The following HPSE2 variants were observed in gnomAD, a reference collection of about 807,000 sequenced individuals.
HPSE2 encodes the protein inactive heparanase-2.
HPSE2 carries 38 observed loss-of-function variants against 60.5 expected under a neutral mutation model. The observed-to-expected ratio is 0.63, with a 90% CI of 0.48 to 0.82. The LOEUF (loss-of-function observed/expected upper bound fraction) is 0.82. HPSE2 is among the 40% of genes least tolerant of loss of function. The pLI is 0.00. For synonymous variants in HPSE2, 295 were observed against 293.2 expected (o/e 1.01, Z -0.06); for missense variants, 713 against 740.4 (o/e 0.96, Z 0.43).
chr10:98,933,324 A>G (rs1251033716), intron 3 of HPSE2, among the ~76,000 whole-genome samples: 1 of 144,086 alleles, frequency 6.9e-6, no homozygotes. Context: ...CTGTGGTCTG[A>G]GAGACTTATG....
At chr10:98,823,601 G>C (rs1951473182) in intron 3 of HPSE2, among the ~76,000 whole-genome samples, 1 of 152,058 alleles carries the variant, frequency 6.6e-6, no homozygotes, top group Non-Finnish European at 1.5e-5. Context: ...ACTGCAGCCT[G>C]GTGACGAAGC....
chr10:98,729,632 T>A (rs905017223), intron 4 of HPSE2, among the ~76,000 whole-genome samples: 1 of 151,552 alleles, frequency 6.6e-6, no homozygotes, highest in African/African-American at 2.4e-5. Context: ...ATAAATAAAT[T>A]AATTTAAAAA....
chr10:99,246,026 A>T, the HPSE2 span, among the ~76,000 whole-genome samples: 1 of 152,262 alleles, frequency 6.6e-6, no homozygotes, highest in African/African-American at 2.4e-5. Flanking sequence ...TGATACCTAT[A>T]GCAAAATGTT....
At chr10:99,033,727 A>G (rs1267623947) in intron 3 of HPSE2, among the ~76,000 whole-genome samples, 1 of 152,052 alleles carries the variant, frequency 6.6e-6, no homozygotes, top group Non-Finnish European at 1.5e-5. Context: ...AGCTTGCAGT[A>G]AGCCAAGATG....
At chr10:98,836,469 T>C (rs1301999524) in intron 3 of HPSE2, among the ~76,000 whole-genome samples, 1 of 152,152 alleles carries the variant, frequency 6.6e-6, no homozygotes, top group Non-Finnish European at 1.5e-5. Flanking sequence ...TGACAAAAAG[T>C]AGGTTCTCAG....
At chr10:98,710,691 C>T (rs1224790054) in intron 5 of HPSE2, among the ~76,000 whole-genome samples, 1 of 152,196 alleles carries the variant, frequency 6.6e-6, no homozygotes, top group Non-Finnish European at 1.5e-5. Context: ...AGATAAGAAA[C>T]TGTGCTCAAG....
At chr10:99,267,727 C>A in the HPSE2 span, among the ~76,000 whole-genome samples, 2 of 150,712 alleles carry the variant, frequency 1.3e-5, no homozygotes, top group Non-Finnish European at 1.5e-5. Flanking sequence ...TTGCAGTGAG[C>A]CAAAATCATG....
intron 9 of HPSE2, among the ~76,000 whole-genome samples, chr10:98,491,451 T>C (rs569631915): frequency 6.6e-6 from 1 of 152,306 alleles, no homozygotes; most frequent in East Asian, 1.9e-4. Flanking sequence ...ATTATATAGA[T>C]GGAAAAAGTG....
chr10:99,111,596 T>C (rs1225386848), intron 3 of HPSE2, among the ~76,000 whole-genome samples: 1 of 152,200 alleles, frequency 6.6e-6, no homozygotes, highest in Non-Finnish European at 1.5e-5. Flanking sequence ...TATCTACAGG[T>C]GCCTAAATAT....
At chr10:99,015,445 T>A (rs1589520740) in intron 3 of HPSE2, among the ~76,000 whole-genome samples, 1 of 152,130 alleles carries the variant, frequency 6.6e-6, no homozygotes, top group African/African-American at 2.4e-5. Flanking sequence ...TAGACTGGAT[T>A]AAGAAAATGT....
chr10:99,225,735 A>G (rs7079394), intron 2 of HPSE2, among the ~76,000 whole-genome samples: 4,988 of 152,092 alleles, frequency 0.033, 214 homozygotes, highest in African/African-American at 0.1. Flanking sequence ...CCCTTCTCCA[A>G]TGAAGTAAAA....
intron 9 of HPSE2, among the ~76,000 whole-genome samples, chr10:98,512,779 A>C: frequency 2.1e-5 from 2 of 93,930 alleles, no homozygotes; most frequent in Admixed American, 1.3e-4. Context: ...CTCCCACTCC[A>C]CTCCTCCCAG....
intron 9 of HPSE2, among the ~76,000 whole-genome samples, chr10:98,542,672 G>A (rs1313618563): frequency 2.6e-5 from 4 of 150,980 alleles, no homozygotes; most frequent in Non-Finnish European, 4.5e-5. Flanking sequence ...CGAGAACTAC[G>A]TGAAGAATGC....
intron 9 of HPSE2, among the ~76,000 whole-genome samples, chr10:98,558,794 C>T (rs1944087188): frequency 1.3e-5 from 2 of 152,156 alleles, no homozygotes; most frequent in South Asian, 4.1e-4. Context: ...CTACTTGTTT[C>T]CAATATCTCA....
chr10:98,688,890 A>AT (rs557855441), intron 6 of HPSE2, among the ~76,000 whole-genome samples: 32 of 147,734 alleles, frequency 2.2e-4, no homozygotes, highest in African/African-American at 3.0e-4. Flanking sequence ...CTGGCTTTAC[A>AT]TTTTTTTTTT....
intron 2 of HPSE2, among the ~76,000 whole-genome samples, chr10:99,209,554 T>C (rs1161092969): frequency 1.3e-5 from 2 of 151,830 alleles, no homozygotes; most frequent in African/African-American, 4.8e-5. Flanking sequence ...TAACCTAACA[T>C]TATGCCTGAA....
intron 3 of HPSE2, among the ~76,000 whole-genome samples, chr10:98,914,211 G>C (rs1441209519): frequency 6.6e-6 from 1 of 152,006 alleles, no homozygotes; most frequent in Non-Finnish European, 1.5e-5. Flanking sequence ...TCTATAAGGG[G>C]GAGTTTCCCT....
intron 2 of HPSE2, among the ~76,000 whole-genome samples, chr10:99,206,156 A>G (rs1848737457): frequency 6.6e-6 from 1 of 152,264 alleles, no homozygotes; most frequent in African/African-American, 2.4e-5. Context: ...TTATGAAAAC[A>G]GAATAGGAAA....
At chr10:98,858,939 C>T (rs1175208287) in intron 3 of HPSE2, among the ~76,000 whole-genome samples, 1 of 152,006 alleles carries the variant, frequency 6.6e-6, no homozygotes, top group Non-Finnish European at 1.5e-5. Flanking sequence ...GTTTGTTTTT[C>T]GTTTTCATAG....
Sources: allele counts gnomAD v4.1 joint callset (sites outside exome capture counted in the v4.1 genomes callset), GRCh38; gene constraint gnomAD v4.1.1; transcripts MANE v1.5; gene names NCBI Gene and HGNC (gene_info 2026-07-23, HGNC 2026-07-21).